Variants in TMEM107 observed in about 807,000 individuals in gnomAD.
TMEM107 encodes transmembrane protein 107.
TMEM107 carries 18 observed loss-of-function variants against 16.8 expected under a neutral mutation model. The ratio of observed to expected loss-of-function variants is 1.07; its 90% CI spans 0.74 to 1.59. TMEM107 has a LOEUF of 1.59. TMEM107 is among the 40% of genes most tolerant of loss of function. The pLI is 0.00. For missense variants in TMEM107, 152 were observed against 175.4 expected (o/e 0.87, Z 0.75); for synonymous variants, 68 against 71.6 (o/e 0.95, Z 0.25).
chr17:8,175,694 T>C lies in TMEM107; in HGVS notation c.256+63A>G, dbSNP rs758346168. ...CTACAGCAGACACTATTGTGTCAGG[T>C]GGCTGAAGGGAGTCCTGATAGAAGT... On this transcript the variant is annotated intron_variant, in intron 3 of 4. Coordinates refer to ENST00000437139, the MANE Select transcript of TMEM107 (RefSeq NM_183065.4). 3.1e-6 allele frequency: 4 copies of C among 1,290,206 alleles called. No individual in the cohort carries two copies. The East Asian group carries it at 9.2e-5, about 30-fold the overall frequency. The allele number at this position is 1,290,206 out of a possible 1,614,324, so 79.9% of individuals were successfully genotyped here. A position where few individuals can be genotyped will look rare whatever the true frequency, so the allele number is the denominator to read the frequency against.
rs995143827 is a variant in TMEM107 at position 8,173,150 on chromosome 17, G to A, written c.*1053C>T. On this transcript the variant is annotated 3_prime_UTR_variant, in exon 5 of 5. Coordinates refer to ENST00000437139, the MANE Select transcript of TMEM107 (RefSeq NM_183065.4). Reference sequence around the variant, plus strand: ...ACCATCCTGAGGGCAACCACCATGTGCACAAGACTGCAGATATTTACTGAT... The same window carrying A: ...ACCATCCTGAGGGCAACCACCATGTACACAAGACTGCAGATATTTACTGAT... The A allele has an allele frequency of 1.3e-5, 4 of 306,492 alleles. No homozygotes were observed. Among genetic ancestry groups the A allele is most frequent in the African/African-American group, 8.7e-5 (4 of 45,956 alleles). The allele number at this position is 306,492 out of a possible 1,614,324, so 19.0% of individuals were successfully genotyped here.
rs1983663385 is a variant in TMEM107, at chr17:8,172,963, A to G, written c.*1240T>C. 6.6e-6 allele frequency among the ~76,000 whole-genome samples: 1 copy of G among 152,024 alleles called. No homozygotes were observed. The highest frequency in any genetic ancestry group is 1.5e-5 in the Non-Finnish European group (1 of 68,016). ...GTGACTCTGGATTTGGGAAGAAGTCATTGGTGATGATGAGTTTCTTGGGGG... is the reference window on the plus strand; with the variant it reads ...GTGACTCTGGATTTGGGAAGAAGTCGTTGGTGATGATGAGTTTCTTGGGGG... On this transcript the variant is annotated 3_prime_UTR_variant, in exon 5 of 5. Transcript: ENST00000437139.
rs890821016 is a variant in TMEM107 at position 8,173,788 on chromosome 17, C to G, written c.*415G>C. The stretch of plus-strand genomic sequence containing the variant: ...TAAATTACTTCTTCCCAGAATGCTC[C>G]GATCAGTTACGTGCCGGACGTTCTA... On this transcript the variant is annotated 3_prime_UTR_variant, in exon 5 of 5. Transcript: ENST00000437139. The G allele has an allele frequency of 3.7e-6, 2 of 536,918 alleles. No homozygotes were observed. Among genetic ancestry groups the G allele is most frequent in the Admixed American group, 3.4e-5 (1 of 29,080 alleles). The allele number at this position is 536,918 out of a possible 1,614,324, so 33.3% of individuals were successfully genotyped here. A position where few individuals can be genotyped will look rare whatever the true frequency, so the allele number is the denominator to read the frequency against.
rs1983664426 is a variant in TMEM107 at position 8,172,971 on chromosome 17, T to C, written c.*1232A>G. Among the ~76,000 whole-genome samples the C allele has an allele frequency of 6.6e-6, 1 of 151,918 alleles. No individual in the cohort carries two copies. Among genetic ancestry groups the C allele is most frequent in the South Asian group, 2.1e-4 (1 of 4,820 alleles). On this transcript the variant is annotated 3_prime_UTR_variant, in exon 5 of 5. Coordinates refer to ENST00000437139, the MANE Select transcript of TMEM107 (RefSeq NM_183065.4). ...GGATTTGGGAAGAAGTCATTGGTGATGATGAGTTTCTTGGGGGTGTACTGG... is the reference window on the plus strand; with the variant it reads ...GGATTTGGGAAGAAGTCATTGGTGACGATGAGTTTCTTGGGGGTGTACTGG...
Position 8,175,473 on chromosome 17 carries a change from T to C in TMEM107, c.256+284A>G, listed in dbSNP as rs1984050433. ...GTAAAAAGAAACGGTGGGGTTTTTA[T>C]TATTCCTATTATTTTTGTAGACTTG... is the stretch of plus-strand genomic sequence containing the variant. On this transcript the variant is annotated intron_variant, in intron 3 of 4. Transcript: ENST00000437139. 11 of 602,834 alleles carry C rather than the reference T, an allele frequency of 1.8e-5. No individual in the cohort carries two copies. The South Asian group carries it at 2.2e-4, about 12-fold the overall frequency. The allele number at this position is 602,834 out of a possible 1,614,324, so 37.3% of individuals were successfully genotyped here. A position where few individuals can be genotyped will look rare whatever the true frequency, so the allele number is the denominator to read the frequency against.
In TMEM107 at chr17:8,173,469, T is replaced by G. The variant is rs758890705; in HGVS notation, c.*734A>C. 1.2e-5 allele frequency: 9 copies of G among 764,380 alleles called. No individual in the cohort carries two copies. Among genetic ancestry groups the G allele is most frequent in the African/African-American group, 3.4e-5 (2 of 59,094 alleles). 47.3% of individuals were successfully genotyped at this position (764,380 alleles called of 1,614,324 possible). ...GTCAGAAAGAATCAGACAGGAGCAA[T>G]CAGGGTGTTGCAAGTCCTGATTACG... On this transcript the variant is annotated 3_prime_UTR_variant, in exon 5 of 5. Coordinates refer to ENST00000437139, the MANE Select transcript of TMEM107 (RefSeq NM_183065.4).
Position 8,174,139 on chromosome 17 carries a change from C to A in TMEM107, c.*64G>T. On this transcript the variant is annotated 3_prime_UTR_variant, in exon 5 of 5. Coordinates refer to ENST00000437139, the MANE Select transcript of TMEM107 (RefSeq NM_183065.4). ...AACCGAAGCCTATGCCTTCCTTCTT[C>A]CAGGAATACGAAGCGGCCCTTGCCC... 5 of 1,462,170 alleles carry A rather than the reference C, an allele frequency of 3.4e-6. No homozygotes were observed. The South Asian group carries it at 5.7e-5, about 17-fold the overall frequency. 90.6% of individuals were successfully genotyped at this position (1,462,170 alleles called of 1,614,324 possible).
At position 8,173,223 on chromosome 17, in the gene TMEM107, A is replaced by G; in HGVS notation, c.*980T>C. ...AGGATTAAAGTTATCAAACGACAAA[A>G]AACAAAGAGCCCATTTGTATTATTT... On this transcript the variant is annotated 3_prime_UTR_variant, in exon 5 of 5. Coordinates refer to ENST00000437139, the MANE Select transcript of TMEM107 (RefSeq NM_183065.4). 2.2e-6 allele frequency: 1 copy of G among 446,206 alleles called. No individual in the cohort carries two copies. Among genetic ancestry groups the G allele is most frequent in the Non-Finnish European group, 4.1e-6 (1 of 246,374 alleles). The allele number at this position is 446,206 out of a possible 1,614,324, so 27.6% of individuals were successfully genotyped here.
Position 8,173,572 on chromosome 17 carries a change from T to C in TMEM107, c.*631A>G, listed in dbSNP as rs754512822. On this transcript the variant is annotated 3_prime_UTR_variant, in exon 5 of 5. Transcript: ENST00000437139. Reference sequence around the variant, plus strand: ...CCTCCGGAGGAGGAACAGGTAAGGATTATCCCACCTGACGATACAGACAAA... The same window carrying C: ...CCTCCGGAGGAGGAACAGGTAAGGACTATCCCACCTGACGATACAGACAAA... The C allele has an allele frequency of 1.3e-5, 10 of 764,898 alleles. No individual in the cohort carries two copies. The highest frequency in any genetic ancestry group is 2.2e-5 in the Non-Finnish European group (9 of 417,736). 47.4% of individuals were successfully genotyped at this position (764,898 alleles called of 1,614,324 possible).
Position 8,173,391 on chromosome 17 carries a change from A to G in TMEM107, c.*812T>C, listed in dbSNP as rs748413753. ...GCAAGGTTATCCCAGTCAGAACTTC[A>G]TAGCTATGTTTGTGGATATCTGCTA... On this transcript the variant is annotated 3_prime_UTR_variant, in exon 5 of 5. Coordinates refer to ENST00000437139, the MANE Select transcript of TMEM107 (RefSeq NM_183065.4). The G allele has an allele frequency of 5.7e-5, 40 of 703,628 alleles. No homozygotes were observed. Among genetic ancestry groups the G allele is most frequent in the Admixed American group, 9.2e-5 (5 of 54,356 alleles). The allele number at this position is 703,628 out of a possible 1,614,324, so 43.6% of individuals were successfully genotyped here.
At position 8,173,612 on chromosome 17, in the gene TMEM107, C is replaced by T. The variant is rs199799323; in HGVS notation, c.*591G>A. On this transcript the variant is annotated 3_prime_UTR_variant, in exon 5 of 5. Coordinates refer to ENST00000437139, the MANE Select transcript of TMEM107 (RefSeq NM_183065.4). ...ATACAGACAAACAGCCGACATTCTG[C>T]ACTCAGTGAAAAAGATTCCGTTACA... 129 of 755,960 alleles carry T rather than the reference C, an allele frequency of 1.7e-4. No individual in the cohort carries two copies. The highest frequency in any genetic ancestry group is 2.9e-4 in the Non-Finnish European group (118 of 411,346). The allele number at this position is 755,960 out of a possible 1,614,324, so 46.8% of individuals were successfully genotyped here. A position where few individuals can be genotyped will look rare whatever the true frequency, so the allele number is the denominator to read the frequency against.
rs760688470 is a variant in TMEM107, at chr17:8,174,064, C to T, written c.*139G>A. On this transcript the variant is annotated 3_prime_UTR_variant, in exon 5 of 5. Transcript: ENST00000437139. ...AATGCGGATAATCCCAGACTCAAGACGTAATTATTCCAACACATATCCTCC... is the reference window on the plus strand; with the variant it reads ...AATGCGGATAATCCCAGACTCAAGATGTAATTATTCCAACACATATCCTCC... The T allele has an allele frequency of 1.8e-5, 13 of 704,964 alleles. No individual in the cohort carries two copies. Among genetic ancestry groups the T allele is most frequent in the Non-Finnish European group, 3.1e-5 (12 of 392,866 alleles). The allele number at this position is 704,964 out of a possible 1,614,324, so 43.7% of individuals were successfully genotyped here.
At position 8,173,562 on chromosome 17, in the gene TMEM107, C is replaced by G. The variant is rs185052658; in HGVS notation, c.*641G>C. On this transcript the variant is annotated 3_prime_UTR_variant, in exon 5 of 5. Coordinates refer to ENST00000437139, the MANE Select transcript of TMEM107 (RefSeq NM_183065.4). The stretch of plus-strand genomic sequence containing the variant: ...TCTAATCTGCCCTCCGGAGGAGGAA[C>G]AGGTAAGGATTATCCCACCTGACGA... 1.0e-4 allele frequency: 80 copies of G among 765,308 alleles called. No homozygotes were observed. The highest frequency in any genetic ancestry group is 3.6e-4 in the South Asian group (27 of 74,602). The allele number at this position is 765,308 out of a possible 1,614,324, so 47.4% of individuals were successfully genotyped here.
rs201709130 is a variant in TMEM107 at position 8,173,402 on chromosome 17, T to A, written c.*801A>T. 2.8e-6 allele frequency: 2 copies of A among 723,866 alleles called. No individual in the cohort carries two copies. The highest frequency in any genetic ancestry group is 2.9e-5 in the South Asian group (2 of 70,018). The allele number at this position is 723,866 out of a possible 1,614,324, so 44.8% of individuals were successfully genotyped here. A position where few individuals can be genotyped will look rare whatever the true frequency, so the allele number is the denominator to read the frequency against. On this transcript the variant is annotated 3_prime_UTR_variant, in exon 5 of 5. Transcript: ENST00000437139. Reference sequence around the variant, plus strand: ...CCAGTCAGAACTTCATAGCTATGTTTGTGGATATCTGCTAATCAGCATAAC... The same window carrying A: ...CCAGTCAGAACTTCATAGCTATGTTAGTGGATATCTGCTAATCAGCATAAC...
intron 3 of TMEM107, chr17:8,175,088 CAG>C (rs1323996066): frequency 2.2e-5 from 4 of 183,860 alleles, no homozygotes; most frequent in East Asian, 3.0e-4. Context: ...TGTTTTTTGA[CAG>C]AGTCTTGCTC....
At position 8,172,866 on chromosome 17, in the gene TMEM107, AAAAAAAAAACC is replaced by A. The variant is rs1161218932; in HGVS notation, c.*1326_*1336del. On this transcript the variant is annotated 3_prime_UTR_variant, in exon 5 of 5. Coordinates refer to ENST00000437139, the MANE Select transcript of TMEM107 (RefSeq NM_183065.4). ...GAGTGAGACTGTCTCAAAAAAAAAA[AAAAAAAAAACC>A]AAAAGAGGGGGGTGGTCAACATACC... Among the ~76,000 whole-genome samples the A allele has an allele frequency of 1.1e-4, 16 of 148,408 alleles. No homozygotes were observed. The highest frequency in any genetic ancestry group is 3.4e-4 in the African/African-American group (14 of 40,690).
At chr17:8,175,308 C>A (rs1217482916) in intron 3 of TMEM107, 1 of 272,686 alleles carries the variant, frequency 3.7e-6, no homozygotes, top group Non-Finnish European at 7.1e-6. Context: ...CTCAGGTGGT[C>A]CACCTGCCTC....
Position 8,173,502 on chromosome 17 carries a change from G to C in TMEM107, c.*701C>G, listed in dbSNP as rs201017034. 12 of 765,118 alleles carry C rather than the reference G, an allele frequency of 1.6e-5. No individual in the cohort carries two copies. The highest frequency in any genetic ancestry group is 2.9e-5 in the Non-Finnish European group (12 of 418,006). The allele number at this position is 765,118 out of a possible 1,614,324, so 47.4% of individuals were successfully genotyped here. ...TTGCAAGTCCTGATTACGCAGAGAC[G>C]TTAATCACGTTTCATGCATCTCCAA... On this transcript the variant is annotated 3_prime_UTR_variant, in exon 5 of 5. Transcript: ENST00000437139.
At position 8,174,098 on chromosome 17, in the gene TMEM107, C is replaced by T; in HGVS notation, c.*105G>A. ...TCCAACACATATCCTCCAGCAGAAG[C>T]AGTTTCCGAGGGGAAAACCGAAGCC... is the stretch of plus-strand genomic sequence containing the variant. On this transcript the variant is annotated 3_prime_UTR_variant, in exon 5 of 5. Coordinates refer to ENST00000437139, the MANE Select transcript of TMEM107 (RefSeq NM_183065.4). 4 of 898,758 alleles carry T rather than the reference C, an allele frequency of 4.5e-6. No individual in the cohort carries two copies. Among genetic ancestry groups the T allele is most frequent in the South Asian group, 2.7e-5 (2 of 73,918 alleles). 55.7% of individuals were successfully genotyped at this position (898,758 alleles called of 1,614,324 possible).
Sources: allele counts gnomAD v4.1 joint callset (sites outside exome capture counted in the v4.1 genomes callset), GRCh38; gene constraint gnomAD v4.1.1; transcripts MANE v1.5; gene names NCBI Gene and HGNC (gene_info 2026-07-23, HGNC 2026-07-21).